The following PDSS2 variants were observed in gnomAD, a reference collection of about 807,000 sequenced individuals.
The protein encoded by PDSS2 is all trans-polyprenyl-diphosphate synthase PDSS2.
PDSS2 carries 31 observed loss-of-function variants against 44.5 expected under a neutral mutation model. That is an observed-to-expected ratio of 0.70 (90% CI 0.52 to 0.94). The LOEUF is 0.94. Ranked by LOEUF, PDSS2 falls within the 40% of genes least tolerant of loss-of-function variation. The pLI is 0.00. For synonymous variants in PDSS2, 157 were observed against 180.3 expected (o/e 0.87, Z 1.03); for missense variants, 452 against 482.2 (o/e 0.94, Z 0.59).
At chr6:107,447,350 A>C (rs1471870694) in intron 1 of PDSS2, among the ~76,000 whole-genome samples, 1 of 152,120 alleles carries the variant, frequency 6.6e-6, no homozygotes, top group African/African-American at 2.4e-5. Flanking sequence ...CAAAACAAAA[A>C]AAAATCAAAA....
intron 3 of PDSS2, among the ~76,000 whole-genome samples, chr6:107,262,069 C>T (rs62430064): frequency 4.6e-5 from 7 of 151,634 alleles, no homozygotes; most frequent in South Asian, 4.2e-4. Flanking sequence ...CCACCACGCC[C>T]GGCTAATTTT....
intron 6 of PDSS2, among the ~76,000 whole-genome samples, chr6:107,200,904 A>G (rs1339450107): frequency 1.3e-5 from 2 of 152,074 alleles, no homozygotes; most frequent in Admixed American, 1.3e-4. Context: ...TCCTCAGGTG[A>G]TCCGCCCACC....
At chr6:107,335,082 T>TG (rs951820419) in intron 1 of PDSS2, among the ~76,000 whole-genome samples, 7 of 137,932 alleles carry the variant, frequency 5.1e-5, no homozygotes, top group African/African-American at 1.7e-4. Flanking sequence ...AGCCCAGGGT[T>TG]GGGGGGGTGC....
intron 1 of PDSS2, among the ~76,000 whole-genome samples, chr6:107,388,740 G>A (rs1485525960): frequency 6.6e-6 from 1 of 152,184 alleles, no homozygotes; most frequent in Non-Finnish European, 1.5e-5. Context: ...TTACAGGCGT[G>A]AGCCACCGTG....
chr6:107,388,511 C>A (rs1342674783), intron 1 of PDSS2, among the ~76,000 whole-genome samples: 3 of 149,700 alleles, frequency 2.0e-5, no homozygotes, highest in African/African-American at 7.4e-5. Flanking sequence ...TGCAGTGGCG[C>A]GATCTCGGCT....
intron 3 of PDSS2, among the ~76,000 whole-genome samples, 164 bp from the exon 4 acceptor site, chr6:107,245,783 A>G (rs1304735039): frequency 6.6e-6 from 1 of 152,244 alleles, no homozygotes; most frequent in African/African-American, 2.4e-5. Flanking sequence ...GCCCACCTGG[A>G]TATTAAAGCT....
At chr6:107,439,801 T>C (rs1020215843) in intron 1 of PDSS2, among the ~76,000 whole-genome samples, 1 of 152,058 alleles carries the variant, frequency 6.6e-6, no homozygotes, top group Non-Finnish European at 1.5e-5. Flanking sequence ...GGGAGGAGCA[T>C]ATTTGGATGA....
chr6:107,318,885 G>A (rs946719029), intron 2 of PDSS2, among the ~76,000 whole-genome samples: 1 of 152,126 alleles, frequency 6.6e-6, no homozygotes, highest in Non-Finnish European at 1.5e-5. Context: ...CTACTTGGGA[G>A]GCTGAGGCAG....
rs67414057 is a variant in PDSS2, at chr6:107,177,076, C to CT, written c.1041+16745dup. Among the ~76,000 whole-genome samples the CT allele has an allele frequency of 3.9e-3, 524 of 134,204 alleles. 3 individuals are homozygous for CT. Among genetic ancestry groups the CT allele is most frequent in the African/African-American group, 0.012 (441 of 36,830 alleles). The allele number at this position is 134,204 out of a possible 152,430, so 88.0% of individuals were successfully genotyped here. ...ATGAGACAAAATGGACGAAGTAATT[C>CT]TTTTTTTTTTTTCTATTTTCTTTAC... On this transcript the variant is annotated intron_variant, in intron 7 of 7. Transcript: ENST00000369037.
intron 1 of PDSS2, among the ~76,000 whole-genome samples, chr6:107,352,608 G>A (rs1269652102): frequency 6.6e-6 from 1 of 152,128 alleles, no homozygotes; most frequent in East Asian, 1.9e-4. Context: ...TGGTGGTAGG[G>A]GAGACAGCAT....
At chr6:107,159,744 C>T (rs1308987389) in intron 7 of PDSS2, among the ~76,000 whole-genome samples, 3 of 151,948 alleles carry the variant, frequency 2.0e-5, no homozygotes, top group Admixed American at 2.0e-4. Context: ...ATTATCTCTT[C>T]TCCAAATTGA....
intron 4 of PDSS2, among the ~76,000 whole-genome samples, chr6:107,217,165 G>A (rs1421575851): frequency 5.9e-5 from 9 of 152,142 alleles, no homozygotes; most frequent in African/African-American, 2.4e-5. Flanking sequence ...ACAGACAAAC[G>A]GCGAATCTCC....
chr6:107,158,827 C>T (rs1313606989), intron 7 of PDSS2, among the ~76,000 whole-genome samples: 2 of 151,900 alleles, frequency 1.3e-5, no homozygotes, highest in African/African-American at 4.8e-5. Context: ...CTCCCAGGTT[C>T]AAGCAATTCT....
chr6:107,233,975 T>G (rs1333467512), intron 4 of PDSS2, among the ~76,000 whole-genome samples: 1 of 152,152 alleles, frequency 6.6e-6, no homozygotes, highest in Admixed American at 6.5e-5. Context: ...AAGACCAGCC[T>G]GGGCAACATA....
intron 7 of PDSS2, among the ~76,000 whole-genome samples, chr6:107,164,330 C>T (rs1015483140): frequency 1.3e-5 from 2 of 152,112 alleles, no homozygotes; most frequent in Non-Finnish European, 2.9e-5. Flanking sequence ...CCCCACCCCA[C>T]GACAGGCCCT....
chr6:107,306,206 A>T (rs1776853983), intron 2 of PDSS2, among the ~76,000 whole-genome samples: 1 of 152,132 alleles, frequency 6.6e-6, no homozygotes. Flanking sequence ...CTGTGTCCCC[A>T]CCCAAATTCA....
intron 2 of PDSS2, among the ~76,000 whole-genome samples, chr6:107,316,191 G>A (rs1777192450): frequency 6.6e-6 from 1 of 152,056 alleles, no homozygotes; most frequent in Non-Finnish European, 1.5e-5. Flanking sequence ...AATTTCTGTT[G>A]GTTATTCTTC....
intron 1 of PDSS2, among the ~76,000 whole-genome samples, chr6:107,440,488 C>T (rs946028773): frequency 6.6e-6 from 1 of 152,210 alleles, no homozygotes; most frequent in Non-Finnish European, 1.5e-5. Context: ...TGCTATAGAA[C>T]ACAGCTTATG....
chr6:107,382,540 TAAA>T (rs1000594964), intron 1 of PDSS2, among the ~76,000 whole-genome samples: 5 of 152,058 alleles, frequency 3.3e-5, no homozygotes, highest in Non-Finnish European at 7.4e-5. Context: ...AGTCCAGAAA[TAAA>T]AACTTATATT....
Sources: gnomAD v4.1 joint callset for allele counts (sites outside exome capture counted in the v4.1 genomes callset) on GRCh38, gnomAD v4.1.1 for gene constraint, MANE v1.5 for transcripts, NCBI Gene and HGNC (gene_info 2026-07-23, HGNC 2026-07-21) for gene names.